Variants in SCNN1B observed in about 807,000 individuals in gnomAD.
SCNN1B encodes the protein sodium channel epithelial 1 subunit beta.
SCNN1B carries 46 observed loss-of-function variants against 65.3 expected under a neutral mutation model. The observed-to-expected ratio is 0.70, with a 90% CI of 0.56 to 0.90. The LOEUF (loss-of-function observed/expected upper bound fraction) is 0.90. Ranked by LOEUF, SCNN1B falls within the 40% of genes least tolerant of loss-of-function variation. The pLI is 0.00. For missense variants in SCNN1B, 751 were observed against 830.5 expected, an observed-to-expected ratio of 0.90 and a Z score of 1.18; for synonymous variants, 349 against 330.6, an observed-to-expected ratio of 1.06 and a Z score of -0.60.
intron 3 of SCNN1B, among the ~76,000 whole-genome samples, 172 bp from the exon 4 acceptor site, chr16:23,355,127 G>T (rs1403378110): frequency 1.3e-5 from 2 of 152,186 alleles, no homozygotes; most frequent in Non-Finnish European, 2.9e-5. Flanking sequence ...GTATGAGGCA[G>T]TAGCCCTTGA....
intron 4 of SCNN1B, among the ~76,000 whole-genome samples, chr16:23,364,955 A>G (rs377502841): frequency 3.4e-4 from 51 of 152,210 alleles, no homozygotes; most frequent in African/African-American, 1.2e-3. Context: ...GTGAAACCCC[A>G]TATCTACTGA....
At chr16:23,351,950 G>T (rs1962318577) in intron 2 of SCNN1B, among the ~76,000 whole-genome samples, 1 of 152,180 alleles carries the variant, frequency 6.6e-6, no homozygotes, top group African/African-American at 2.4e-5. Flanking sequence ...ACTCACCTCT[G>T]CCCTTTATCA....
At chr16:23,303,681 T>C (rs557567445) in intron 1 of SCNN1B, among the ~76,000 whole-genome samples, 126 of 150,580 alleles carry the variant, frequency 8.4e-4, no homozygotes, top group African/African-American at 3.0e-3. Flanking sequence ...CTTGGGAGGC[T>C]GAGGAGGGCG....
intron 1 of SCNN1B, among the ~76,000 whole-genome samples, chr16:23,314,621 G>A (rs369151181): frequency 1.3e-5 from 2 of 152,216 alleles, no homozygotes; most frequent in African/African-American, 4.8e-5. Flanking sequence ...TGGAGGAGGA[G>A]GGGAATTTTT....
At chr16:23,325,964 A>G (rs967125405) in intron 1 of SCNN1B, among the ~76,000 whole-genome samples, 24 of 152,032 alleles carry the variant, frequency 1.6e-4, no homozygotes, top group Non-Finnish European at 2.8e-4. Context: ...CTACTTAGCT[A>G]CTCGGGAGAC....
intron 2 of SCNN1B, among the ~76,000 whole-genome samples, chr16:23,284,594 A>G (rs1960826105): frequency 6.6e-6 from 1 of 152,184 alleles, no homozygotes; most frequent in East Asian, 1.9e-4. Flanking sequence ...GGAAGGGCAG[A>G]CAAACACTAA....
intron 2 of SCNN1B, among the ~76,000 whole-genome samples, chr16:23,294,185 C>T (rs1208340206): frequency 6.6e-6 from 1 of 151,994 alleles, no homozygotes; most frequent in African/African-American, 2.4e-5. Flanking sequence ...CATAACAGAA[C>T]CCCATCTCTA....
rs371294793 is a variant in SCNN1B, at chr16:23,360,770, T to C, written c.776+5281T>C. On this transcript the variant is annotated intron_variant, in intron 4 of 12. Coordinates refer to ENST00000343070, the MANE Select transcript of SCNN1B (RefSeq NM_000336.3). The stretch of plus-strand genomic sequence containing the variant: ...ACCACCACACCTGGCTAATTTTTGG[T>C]TTTTGGTTTTTGGTTTTTGGTTTTG... Among the ~76,000 whole-genome samples, 19 of 150,514 alleles carry C rather than the reference T, an allele frequency of 1.3e-4. No individual in the cohort carries two copies. In the East Asian group the frequency reaches 3.7e-3, roughly 29 times the overall value.
At chr16:23,364,845 GC>G (rs1962615989) in intron 4 of SCNN1B, among the ~76,000 whole-genome samples, 1 of 151,582 alleles carries the variant, frequency 6.6e-6, no homozygotes, top group Admixed American at 6.6e-5. Context: ...CAAAAATTAG[GC>G]CAGGCATGGT....
At chr16:23,360,213 T>TAAATAAATAAATAAAC (rs1596871833) in intron 4 of SCNN1B, among the ~76,000 whole-genome samples, 4 of 150,154 alleles carry the variant, frequency 2.7e-5, no homozygotes, top group East Asian at 2.0e-4. Context: ...AATAAATAAA[T>TAAATAAATAAATAAAC]AAATAAATAA....
chr16:23,303,690 CG>C (rs1567289381), intron 1 of SCNN1B, among the ~76,000 whole-genome samples: 1 of 150,476 alleles, frequency 6.6e-6, no homozygotes, highest in African/African-American at 2.5e-5. Flanking sequence ...CTGAGGAGGG[CG>C]GATCACTTGA....
intron 2 of SCNN1B, among the ~76,000 whole-genome samples, chr16:23,286,048 AAAGAG>A (rs1281900828): frequency 2.6e-5 from 4 of 152,014 alleles, no homozygotes; most frequent in East Asian, 3.9e-4. Context: ...TGATATTTTA[AAAGAG>A]AAAGAGAAAA....
intron 1 of SCNN1B, among the ~76,000 whole-genome samples, chr16:23,335,743 G>A (rs563004450): frequency 6.8e-5 from 10 of 147,516 alleles, no homozygotes; most frequent in Admixed American, 1.3e-4. Context: ...CACTGTGCCC[G>A]GCCTCTATTT....
intron 2 of SCNN1B, among the ~76,000 whole-genome samples, chr16:23,287,299 C>T (rs1328639280): frequency 6.6e-6 from 1 of 151,840 alleles, no homozygotes; most frequent in Non-Finnish European, 1.5e-5. Flanking sequence ...GCCACCGTGC[C>T]CTGCCAAAAA....
At chr16:23,300,682 C>T (rs1254519742), upstream of SCNN1B, among the ~76,000 whole-genome samples, 2 of 152,028 alleles carry the variant, frequency 1.3e-5, no homozygotes, top group Non-Finnish European at 2.9e-5. Flanking sequence ...GAAAAATAAA[C>T]TTTTTTTAAT....
intron 7 of SCNN1B, among the ~76,000 whole-genome samples, chr16:23,374,973 A>T (rs1284718373): frequency 6.6e-6 from 1 of 152,096 alleles, no homozygotes; most frequent in Non-Finnish European, 1.5e-5. Context: ...CAACCTCAGG[A>T]GACAGGTGTC....
intron 1 of SCNN1B, among the ~76,000 whole-genome samples, chr16:23,346,589 C>T (rs1286245784): frequency 6.6e-6 from 1 of 152,042 alleles, no homozygotes; most frequent in Non-Finnish European, 1.5e-5. Flanking sequence ...TTCCAGTTCT[C>T]TTGGGATTGA....
At chr16:23,322,447 A>C (rs1396418089) in intron 1 of SCNN1B, among the ~76,000 whole-genome samples, 1 of 151,298 alleles carries the variant, frequency 6.6e-6, no homozygotes, top group East Asian at 1.9e-4. Context: ...CTATAGGTGC[A>C]CACCACCATG....
intron 2 of SCNN1B, among the ~76,000 whole-genome samples, chr16:23,290,988 C>A (rs1017145073): frequency 1.3e-5 from 2 of 151,974 alleles, no homozygotes; most frequent in Admixed American, 1.3e-4. Flanking sequence ...TTTTTAATTA[C>A]CTAAGTGATA....
Sources: allele counts gnomAD v4.1 joint callset (sites outside exome capture counted in the v4.1 genomes callset), GRCh38; gene constraint gnomAD v4.1.1; transcripts MANE v1.5; gene names NCBI Gene and HGNC (gene_info 2026-07-23, HGNC 2026-07-21).